The following MGRN1 variants were observed in gnomAD, a reference collection of about 807,000 sequenced individuals.
The protein encoded by MGRN1 is E3 ubiquitin-protein ligase MGRN1.
Under a neutral mutation model 69.2 loss-of-function variants are expected in MGRN1, and 29 were observed. That is an observed-to-expected ratio of 0.42 (90% CI 0.31 to 0.57). The LOEUF is 0.57. MGRN1 is among the 20% of genes least tolerant of loss of function. The probability of loss-of-function intolerance (pLI) is 0.15; values close to 1 mark genes in which losing one functional copy is unlikely to be tolerated. For missense variants in MGRN1, 998 were observed against 796.2 expected, an observed-to-expected ratio of 1.25 and a Z score of -3.05; for synonymous variants, 470 against 344.2, an observed-to-expected ratio of 1.37 and a Z score of -4.04.
At chr16:4,636,840 C>T (rs1355323100) in intron 1 of MGRN1, among the ~76,000 whole-genome samples, 1 of 152,106 alleles carries the variant, frequency 6.6e-6, no homozygotes, top group Non-Finnish European at 1.5e-5. Context: ...AATTGAGTGG[C>T]CAGGCTCAGT....
chr16:4,625,183 GCGGCCCCA>G (rs1897605563), intron 1 of MGRN1, 135 bp downstream of exon 1: 1 of 800,452 alleles, frequency 1.2e-6, no homozygotes, highest in Non-Finnish European at 1.8e-6. Flanking sequence ...GAGCCTTCGC[GCGGCCCCA>G]CGGCCCCGAT....
At chr16:4,644,694 A>G (rs142660669) in intron 1 of MGRN1, among the ~76,000 whole-genome samples, 189 of 152,336 alleles carry the variant, frequency 1.2e-3, no homozygotes, top group African/African-American at 4.0e-3. Context: ...ATCTATTTCC[A>G]AGTTACTTCA....
chr16:4,680,579 C>G (rs187475610), intron 12 of MGRN1: 1 of 159,808 alleles, frequency 6.3e-6, no homozygotes, highest in Non-Finnish European at 1.4e-5. Flanking sequence ...CTGGAGCCTC[C>G]GTGGCCCAGG....
chr16:4,647,488 C>T (rs1403179965), intron 1 of MGRN1, among the ~76,000 whole-genome samples: 1 of 152,222 alleles, frequency 6.6e-6, no homozygotes, highest in East Asian at 1.9e-4. Context: ...TTAAAACCAC[C>T]ACATAGGCTT....
chr16:4,684,813 A>G (rs990624273), intron 16 of MGRN1, among the ~76,000 whole-genome samples: 3 of 152,242 alleles, frequency 2.0e-5, no homozygotes, highest in Admixed American at 6.5e-5. Context: ...GCTTTCAGAC[A>G]TGACCCCAGA....
intron 16 of MGRN1, chr16:4,686,186 C>CTTGCTGTGGCTGTGCTGGCTGCT: frequency 6.6e-7 from 1 of 1,518,414 alleles, no homozygotes; most frequent in Admixed American, 2.0e-5. Flanking sequence ...AGCTGGTGCC[C>CTTGCTGTGGCTGTGCTGGCTGCT]TTGCTGTGGC....
rs528749841 is a variant in MGRN1, at chr16:4,655,514, C to T, written c.444-1732C>T. ...TGTCCCCCTCTGTCAGGACCTGGTA[C>T]GAGGCCTGCTTCCCCTCCCAGCGGG... On this transcript the variant is annotated intron_variant, in intron 4 of 16. Transcript: ENST00000262370. 7.2e-5 allele frequency among the ~76,000 whole-genome samples: 11 copies of T among 151,926 alleles called. No homozygotes were observed. In the South Asian group the frequency reaches 1.7e-3, roughly 23 times the overall value.
At chr16:4,687,225 C>T (rs1407568303) in intron 16 of MGRN1, 1 of 985,360 alleles carries the variant, frequency 1.0e-6, no homozygotes, top group Non-Finnish European at 1.2e-6. Context: ...AAGAGGCGCC[C>T]TCTACCAGGG....
intron 4 of MGRN1, among the ~76,000 whole-genome samples, chr16:4,656,236 G>A (rs1364459563): frequency 6.6e-6 from 1 of 152,254 alleles, no homozygotes; most frequent in Non-Finnish European, 1.5e-5. Flanking sequence ...AAGACATGCA[G>A]AAGGGCGGTC....
chr16:4,647,985 T>C (rs2078309619), intron 1 of MGRN1, among the ~76,000 whole-genome samples: 1 of 151,994 alleles, frequency 6.6e-6, no homozygotes, highest in South Asian at 2.1e-4. Flanking sequence ...CAACTGTAAC[T>C]GGGGCCGTGG....
intron 1 of MGRN1, among the ~76,000 whole-genome samples, chr16:4,630,478 T>C (rs547457268): frequency 4.2e-4 from 63 of 151,736 alleles, no homozygotes; most frequent in African/African-American, 1.5e-3. Context: ...TGAGATGGAG[T>C]CTCCCTCTGT....
intron 4 of MGRN1, among the ~76,000 whole-genome samples, chr16:4,653,176 G>A (rs555596850): frequency 6.6e-6 from 1 of 152,290 alleles, no homozygotes; most frequent in East Asian, 1.9e-4. Context: ...GGCTCCCACA[G>A]TCCCCTCCTC....
At chr16:4,673,118 G>A (rs949253827) in intron 9 of MGRN1, among the ~76,000 whole-genome samples, 33 of 152,200 alleles carry the variant, frequency 2.2e-4, no homozygotes, top group Non-Finnish European at 4.3e-4. Context: ...GATTACAGGC[G>A]TGAGCCACCG....
Position 4,642,556 on chromosome 16 carries a change from C to T in MGRN1, c.89-7809C>T, listed in dbSNP as rs184863376. Among the ~76,000 whole-genome samples, 767 of 151,494 alleles carry T rather than the reference C, an allele frequency of 5.1e-3. 7 individuals carry two copies. Among genetic ancestry groups the T allele is most frequent in the African/African-American group, 0.017 (720 of 41,170 alleles). ...TGCCAGACTGGTCTTAAACTCCTGA[C>T]CTTGTGATCCGCCCGCCTCGGCCTC... On this transcript the variant is annotated intron_variant, in intron 1 of 16. Transcript: ENST00000262370.
chr16:4,682,468 T>C (rs1209302035), intron 13 of MGRN1, among the ~76,000 whole-genome samples: 3 of 152,152 alleles, frequency 2.0e-5, no homozygotes, highest in African/African-American at 7.2e-5. Flanking sequence ...GCACCCTCCA[T>C]GCCCACGAGG....
At chr16:4,665,260 G>C (rs1368841503) in intron 7 of MGRN1, 109 bp downstream of exon 7, 25 of 1,200,502 alleles carry the variant, frequency 2.1e-5, no homozygotes, top group Non-Finnish European at 2.9e-5. Flanking sequence ...GGGTGGCTGA[G>C]TGTCAAGGGC....
chr16:4,651,267 T>C (rs2078400981), intron 2 of MGRN1, among the ~76,000 whole-genome samples: 2 of 152,152 alleles, frequency 1.3e-5, no homozygotes, highest in Non-Finnish European at 1.5e-5. Flanking sequence ...GAGCTGTCTG[T>C]TCAGCACACA....
intron 10 of MGRN1, among the ~76,000 whole-genome samples, chr16:4,673,879 T>C (rs1371985787): frequency 6.6e-6 from 1 of 152,244 alleles, no homozygotes; most frequent in Non-Finnish European, 1.5e-5. Flanking sequence ...TCTTCACGTC[T>C]GCCTCCAGCC....
chr16:4,688,990 GCC>G lies in MGRN1; in HGVS notation c.*83_*84del. 1 of 1,451,524 alleles carries G rather than the reference GCC, an allele frequency of 6.9e-7. No homozygotes were observed. The allele number at this position is 1,451,524 out of a possible 1,614,324, so 89.9% of individuals were successfully genotyped here. A position where few individuals can be genotyped will look rare whatever the true frequency, so the allele number is the denominator to read the frequency against. On this transcript the variant is annotated 3_prime_UTR_variant, in exon 17 of 17. Transcript: ENST00000262370. ...CTGCTCCGGACCCCGTTGTGAGCCGGCCTCCTGTCTGCATGCCCCCTGTGGCC... is the reference window on the plus strand; with the variant it reads ...CTGCTCCGGACCCCGTTGTGAGCCGGTCCTGTCTGCATGCCCCCTGTGGCC...
Sources: allele counts gnomAD v4.1 joint callset (sites outside exome capture counted in the v4.1 genomes callset), GRCh38; gene constraint gnomAD v4.1.1; transcripts MANE v1.5; gene names NCBI Gene and HGNC (gene_info 2026-07-23, HGNC 2026-07-21).